COL25A1: variants seen among roughly 807,000 people sequenced by gnomAD.
The protein encoded by COL25A1 is collagen alpha-1(XXV) chain.
A neutral mutation model predicts 128.4 loss-of-function variants in COL25A1; 103 were observed. The ratio of observed to expected loss-of-function variants is 0.80; its 90% CI spans 0.68 to 0.94. COL25A1 has a LOEUF of 0.94. COL25A1 is among the 40% of genes least tolerant of loss of function. The pLI, the probability that COL25A1 is intolerant of heterozygous loss-of-function variation, is 0.00. For synonymous variants in COL25A1, 279 were observed against 277.2 expected, an observed-to-expected ratio of 1.01 and a Z score of -0.06; for missense variants, 745 against 840.0, an observed-to-expected ratio of 0.89 and a Z score of 1.40.
intron 3 of COL25A1, among the ~76,000 whole-genome samples, chr4:109,142,026 C>T (rs1010464113): frequency 5.9e-5 from 9 of 152,050 alleles, no homozygotes; most frequent in African/African-American, 1.9e-4. Context: ...GTCAGGGTGT[C>T]GATTTTAGAT....
chr4:109,109,551 A>G (rs922680186), intron 3 of COL25A1, among the ~76,000 whole-genome samples: 1 of 152,174 alleles, frequency 6.6e-6, no homozygotes, highest in Non-Finnish European at 1.5e-5. Flanking sequence ...TCATCTTTAC[A>G]TTAACAAGCA....
At chr4:108,942,325 C>G in intron 8 of COL25A1, 8 of 1,469,092 alleles carry the variant, frequency 5.4e-6, no homozygotes, top group Non-Finnish European at 7.5e-6. Context: ...ACAGACATTT[C>G]ACTAGGGGAC....
At chr4:108,971,307 T>C (rs1160121481) in intron 8 of COL25A1, among the ~76,000 whole-genome samples, 6 of 152,142 alleles carry the variant, frequency 3.9e-5, no homozygotes, top group African/African-American at 1.4e-4. Flanking sequence ...CACTATTCTA[T>C]GTGAAGGGGT....
chr4:109,025,112 T>C (rs768481540), intron 5 of COL25A1, among the ~76,000 whole-genome samples: 9 of 152,208 alleles, frequency 5.9e-5, no homozygotes, highest in Non-Finnish European at 1.2e-4. Context: ...CTATAAATGT[T>C]TGTCAAGCTT....
intron 26 of COL25A1, 51 bp downstream of exon 26, chr4:108,852,185 G>A: frequency 7.3e-7 from 1 of 1,361,588 alleles, no homozygotes; most frequent in Non-Finnish European, 1.0e-6. Context: ...ACTTAATACG[G>A]TATTCCCTGC....
At chr4:108,917,317 T>C (rs1259388390) in intron 13 of COL25A1, among the ~76,000 whole-genome samples, 1 of 152,196 alleles carries the variant, frequency 6.6e-6, no homozygotes, top group Non-Finnish European at 1.5e-5. Flanking sequence ...TTTCAGAATT[T>C]GGTCCAGGGT....
At chr4:108,941,334 A>C (rs778516905) in intron 9 of COL25A1, 32 bp downstream of exon 9, 2 of 1,572,022 alleles carry the variant, frequency 1.3e-6, no homozygotes, top group Admixed American at 3.3e-5. Context: ...GATGTAAAGA[A>C]GAAATCAGAC....
At chr4:109,164,037 T>G (rs962264987) in intron 3 of COL25A1, among the ~76,000 whole-genome samples, 3 of 152,128 alleles carry the variant, frequency 2.0e-5, no homozygotes, top group Non-Finnish European at 4.4e-5. Context: ...AAATTATGAA[T>G]TACAAGGTTT....
At chr4:108,994,371 A>G (rs563852767) in intron 6 of COL25A1, among the ~76,000 whole-genome samples, 1 of 152,304 alleles carries the variant, frequency 6.6e-6, no homozygotes, top group South Asian at 2.1e-4. Flanking sequence ...GAAGTCTGAG[A>G]TTGACCTGCG....
intron 18 of COL25A1, 22 bp downstream of exon 18, chr4:108,889,199 A>G: frequency 1.2e-6 from 2 of 1,606,358 alleles, no homozygotes; most frequent in Non-Finnish European, 1.7e-6. Context: ...CAGTAGGAAC[A>G]CACTAGAGAT....
intron 3 of COL25A1, among the ~76,000 whole-genome samples, chr4:109,199,131 T>C (rs945109772): frequency 6.6e-6 from 1 of 152,234 alleles, no homozygotes; most frequent in African/African-American, 2.4e-5. Context: ...CTAGTATTTT[T>C]AAAGAATGCA....
chr4:109,260,748 G>A (rs187139264), intron 3 of COL25A1, among the ~76,000 whole-genome samples: 2 of 152,174 alleles, frequency 1.3e-5, no homozygotes, highest in Admixed American at 1.3e-4. Context: ...CGCATGCCTC[G>A]GCCTCCTAAA....
chr4:109,256,249 T>C (rs577504333), intron 3 of COL25A1, among the ~76,000 whole-genome samples: 1 of 152,152 alleles, frequency 6.6e-6, no homozygotes, highest in Non-Finnish European at 1.5e-5. Context: ...TGGTAAGATT[T>C]TTTTCATTCA....
At chr4:108,888,890 TA>T (rs1267262886) in intron 18 of COL25A1, among the ~76,000 whole-genome samples, 2 of 152,216 alleles carry the variant, frequency 1.3e-5, no homozygotes, top group East Asian at 1.9e-4. Context: ...AAAAGTTATT[TA>T]AAAAAAGATA....
intron 6 of COL25A1, among the ~76,000 whole-genome samples, chr4:109,005,653 A>G (rs1209866955): frequency 2.0e-5 from 3 of 152,188 alleles, no homozygotes; most frequent in Non-Finnish European, 4.4e-5. Context: ...TCAGAAGTGT[A>G]GATTAGAAGA....
rs1057099467 is a variant in COL25A1 at position 109,110,316 on chromosome 4, C to T, written c.368-60137G>A. ...CCTCATTTATTCTCTGGAGTGCTTA[C>T]GTTCTTAGCATCTCCTTGAAACTTC... On this transcript the variant is annotated intron_variant, in intron 3 of 37. Coordinates refer to ENST00000399132, the MANE Select transcript of COL25A1 (RefSeq NM_198721.4). Among the ~76,000 whole-genome samples the T allele has an allele frequency of 5.3e-5, 8 of 152,234 alleles. No homozygotes were observed. The South Asian group carries it at 8.3e-4, about 16-fold the overall frequency.
chr4:109,032,101 T>C (rs1163338945), intron 5 of COL25A1, among the ~76,000 whole-genome samples: 3 of 152,128 alleles, frequency 2.0e-5, no homozygotes, highest in African/African-American at 7.2e-5. Flanking sequence ...CATCAGCAGG[T>C]ACCATTATCC....
At chr4:109,151,760 C>T (rs1484962553) in intron 3 of COL25A1, among the ~76,000 whole-genome samples, 1 of 152,092 alleles carries the variant, frequency 6.6e-6, no homozygotes. Context: ...ATAAAGGCTT[C>T]CATGTTTCTA....
intron 3 of COL25A1, among the ~76,000 whole-genome samples, chr4:109,242,112 G>T (rs75676441): frequency 6.6e-6 from 1 of 151,898 alleles, no homozygotes; most frequent in Non-Finnish European, 1.5e-5. Context: ...TTAGTGTCCC[G>T]AGGCTTTGTA....
Sources: gnomAD v4.1 joint callset for allele counts (sites outside exome capture counted in the v4.1 genomes callset) on GRCh38, gnomAD v4.1.1 for gene constraint, MANE v1.5 for transcripts, NCBI Gene and HGNC (gene_info 2026-07-23, HGNC 2026-07-21) for gene names.